Variants in ABLIM2 observed in about 807,000 individuals in gnomAD.
ABLIM2 encodes actin binding LIM protein family member 2.
Under a neutral mutation model 97.7 loss-of-function variants are expected in ABLIM2, and 53 were observed. The ratio of observed to expected loss-of-function variants is 0.54; its 90% CI spans 0.44 to 0.68. The LOEUF (loss-of-function observed/expected upper bound fraction) is 0.68. Ranked by LOEUF, ABLIM2 falls within the 30% of genes least tolerant of loss-of-function variation. The pLI is 0.00. For synonymous variants in ABLIM2, 361 were observed against 345.8 expected, an observed-to-expected ratio of 1.04 and a Z score of -0.49; for missense variants, 835 against 867.2, an observed-to-expected ratio of 0.96 and a Z score of 0.47.
In ABLIM2 at chr4:8,085,594, A is replaced by C. The variant is rs1577428402; in HGVS notation, c.454+2575T>G. ...GCCCACGCTGCAGCCCCGTCCACTCACGCGGGTCTGGGGGGTGCCCACGCT... is the reference window on the plus strand; with the variant it reads ...GCCCACGCTGCAGCCCCGTCCACTCCCGCGGGTCTGGGGGGTGCCCACGCT... On this transcript the variant is annotated intron_variant, in intron 4 of 20. Coordinates refer to ENST00000447017, the MANE Select transcript of ABLIM2 (RefSeq NM_001130083.2). The surrounding 1 kb of genome is among the most constrained non-coding windows in gnomAD (Gnocchi z 6.1). 1.6e-5 allele frequency among the ~76,000 whole-genome samples: 2 copies of C among 127,396 alleles called. No homozygotes were observed. Among genetic ancestry groups the C allele is most frequent in the Admixed American group, 8.3e-5 (1 of 12,052 alleles). The allele number at this position is 127,396 out of a possible 152,430, so 83.6% of individuals were successfully genotyped here. A position where few individuals can be genotyped will look rare whatever the true frequency, so the allele number is the denominator to read the frequency against.
In ABLIM2 at chr4:8,083,786, C is replaced by T. The variant is rs1374068994; in HGVS notation, c.455-2984G>A. On this transcript the variant is annotated intron_variant, in intron 4 of 20. Coordinates refer to ENST00000447017, the MANE Select transcript of ABLIM2 (RefSeq NM_001130083.2). The surrounding 1 kb of genome is among the most constrained non-coding windows in gnomAD (Gnocchi z 4.6). ...GGGCCCCAGGACCCCCCAATGTCAG[C>T]TGGCCACGTGCCCGTACATCCTGGT... 2.6e-5 allele frequency among the ~76,000 whole-genome samples: 4 copies of T among 152,242 alleles called. No individual in the cohort carries two copies. The highest frequency in any genetic ancestry group is 5.9e-5 in the Non-Finnish European group (4 of 68,042).
chr4:8,085,918 C>T lies in ABLIM2; in HGVS notation c.454+2251G>A, dbSNP rs994159482. On this transcript the variant is annotated intron_variant, in intron 4 of 20. Coordinates refer to ENST00000447017, the MANE Select transcript of ABLIM2 (RefSeq NM_001130083.2). This position sits in a 1 kb window ranked among gnomAD's most constrained non-coding sequence, Gnocchi z 6.1. Reference sequence around the variant, plus strand: ...GGAGTTGAAAGGCCTTGGCCCACCCCTCGGCACTTCCGCCCCCTGATGGAC... The same window carrying T: ...GGAGTTGAAAGGCCTTGGCCCACCCTTCGGCACTTCCGCCCCCTGATGGAC... Among the ~76,000 whole-genome samples the T allele has an allele frequency of 7.6e-6, 1 of 132,114 alleles. No individual in the cohort carries two copies. Among genetic ancestry groups the T allele is most frequent in the Admixed American group, 8.1e-5 (1 of 12,278 alleles). The allele number at this position is 132,114 out of a possible 152,430, so 86.7% of individuals were successfully genotyped here. A position where few individuals can be genotyped will look rare whatever the true frequency, so the allele number is the denominator to read the frequency against.
chr4:8,024,815 G>C (rs1417090778), intron 12 of ABLIM2, among the ~76,000 whole-genome samples: 1 of 152,244 alleles, frequency 6.6e-6, no homozygotes, highest in Non-Finnish European at 1.5e-5. Flanking sequence ...GAAAGAGGCT[G>C]GGTGTTCCCA....
At position 8,095,084 on chromosome 4, in the gene ABLIM2, C is replaced by T. The variant is rs1830851815; in HGVS notation, c.338+2015G>A. 1.4e-5 allele frequency among the ~76,000 whole-genome samples: 2 copies of T among 147,648 alleles called. No individual in the cohort carries two copies. The highest frequency in any genetic ancestry group is 2.1e-4 in the South Asian group (1 of 4,658). ...TCTCTTTCTTTCTTTCTCTCTCTCT[C>T]TCTTTCTTTCTTTCTCTTTCCTTTT... On this transcript the variant is annotated intron_variant, in intron 3 of 20. Transcript: ENST00000447017. This position sits in a 1 kb window ranked among gnomAD's most constrained non-coding sequence, Gnocchi z 4.7.
chr4:8,135,930 C>T (rs541530310), intron 1 of ABLIM2, among the ~76,000 whole-genome samples: 5 of 152,300 alleles, frequency 3.3e-5, no homozygotes, highest in East Asian at 1.9e-4. Flanking sequence ...GCCTGGCAAC[C>T]GGTCCCTGCT....
In ABLIM2 at chr4:8,054,954, C is replaced by T. The variant is rs769764731; in HGVS notation, c.764-708G>A. Reference sequence around the variant, plus strand: ...CCATGTCAACAGCCACTACCATCAACATAACAAGGCCACCCGGCACCAAGT... The same window carrying T: ...CCATGTCAACAGCCACTACCATCAATATAACAAGGCCACCCGGCACCAAGT... On this transcript the variant is annotated intron_variant, in intron 7 of 20. Coordinates refer to ENST00000447017, the MANE Select transcript of ABLIM2 (RefSeq NM_001130083.2). This position sits in a 1 kb window ranked among gnomAD's most constrained non-coding sequence, Gnocchi z 4.9. 5.3e-5 allele frequency among the ~76,000 whole-genome samples: 8 copies of T among 152,094 alleles called. No homozygotes were observed. The highest frequency in any genetic ancestry group is 1.0e-4 in the Non-Finnish European group (7 of 67,998).
At chr4:8,037,223 T>C (rs952050224) in intron 9 of ABLIM2, among the ~76,000 whole-genome samples, 1 of 152,134 alleles carries the variant, frequency 6.6e-6, no homozygotes, top group South Asian at 2.1e-4. Flanking sequence ...AATCTGCAGA[T>C]GTGGAATGCA....
In ABLIM2 at chr4:8,082,294, G is replaced by A. The variant is rs542550317; in HGVS notation, c.455-1492C>T. Among the ~76,000 whole-genome samples, 47 of 152,198 alleles carry A rather than the reference G, an allele frequency of 3.1e-4. No individual in the cohort carries two copies. Among genetic ancestry groups the A allele is most frequent in the African/African-American group, 8.7e-4 (36 of 41,450 alleles). On this transcript the variant is annotated intron_variant, in intron 4 of 20. Coordinates refer to ENST00000447017, the MANE Select transcript of ABLIM2 (RefSeq NM_001130083.2). This position sits in a 1 kb window ranked among gnomAD's most constrained non-coding sequence, Gnocchi z 5.6. ...CACTATGCGCTGGGTCACACTGAGCGTATTCCTCCTGCGGGAGCCCCCATT... is the reference window on the plus strand; with the variant it reads ...CACTATGCGCTGGGTCACACTGAGCATATTCCTCCTGCGGGAGCCCCCATT...
At chr4:8,135,521 G>A (rs1024605015) in intron 1 of ABLIM2, among the ~76,000 whole-genome samples, 2 of 152,164 alleles carry the variant, frequency 1.3e-5, no homozygotes, top group Non-Finnish European at 1.5e-5. Flanking sequence ...GAGCTCCCTC[G>A]CCCCTTCTGA....
In ABLIM2 at chr4:8,021,767, C is replaced by A. The variant is rs1366554920; in HGVS notation, c.1268-1464G>T. Among the ~76,000 whole-genome samples, 1 of 152,262 alleles carries A rather than the reference C, an allele frequency of 6.6e-6. No individual in the cohort carries two copies. Among genetic ancestry groups the A allele is most frequent in the African/African-American group, 2.4e-5 (1 of 41,468 alleles). On this transcript the variant is annotated intron_variant, in intron 12 of 20. Transcript: ENST00000447017. The surrounding 1 kb of genome is among the most constrained non-coding windows in gnomAD (Gnocchi z 5.5). ...AGCCAGGCTGATGCCGTAGAAAGGA[C>A]TGCAGGCTCTAACTTTGAGCATTTT... is the stretch of plus-strand genomic sequence containing the variant.
chr4:8,006,649 G>C (rs1282366885), intron 16 of ABLIM2, among the ~76,000 whole-genome samples: 2 of 152,230 alleles, frequency 1.3e-5, no homozygotes, highest in African/African-American at 4.8e-5. Context: ...CCAGGCCAAT[G>C]TTCCCTGGCC....
rs1367241337 is a variant in ABLIM2, at chr4:7,998,689, C to T, written c.1619-5762G>A. On this transcript the variant is annotated intron_variant, in intron 16 of 20. Transcript: ENST00000447017. This position sits in a 1 kb window ranked among gnomAD's most constrained non-coding sequence, Gnocchi z 6.4. The stretch of plus-strand genomic sequence containing the variant: ...TGCCACCACATGGGAGGCTGGGAGT[C>T]TGCAGGTCTGGGCCACCTCCTGCCA... The T allele has an allele frequency of 3.9e-6, 2 of 507,390 alleles. No homozygotes were observed. The highest frequency in any genetic ancestry group is 1.9e-5 in the African/African-American group (1 of 51,434). The allele number at this position is 507,390 out of a possible 1,614,324, so 31.4% of individuals were successfully genotyped here. A position where few individuals can be genotyped will look rare whatever the true frequency, so the allele number is the denominator to read the frequency against.
At chr4:8,062,597 C>A (rs1804037977) in intron 6 of ABLIM2, among the ~76,000 whole-genome samples, 1 of 152,078 alleles carries the variant, frequency 6.6e-6, no homozygotes, top group African/African-American at 2.4e-5. Flanking sequence ...CACCACCACG[C>A]CTGGCTAATT....
intron 1 of ABLIM2, among the ~76,000 whole-genome samples, chr4:8,151,667 C>A (rs978749913): frequency 1.3e-5 from 2 of 152,042 alleles, no homozygotes; most frequent in Middle Eastern, 3.2e-3. Flanking sequence ...CAGGGTTGTA[C>A]CCCGAGGATG....
In ABLIM2 at chr4:8,150,534, G is replaced by A. The variant is rs934109701; in HGVS notation, c.10+8146C>T. ...CTGGCTGGACTCACATTTCCAGATC[G>A]TCTCTCTAACTCGTCTCTCTAAGCA... On this transcript the variant is annotated intron_variant, in intron 1 of 20. Coordinates refer to ENST00000447017, the MANE Select transcript of ABLIM2 (RefSeq NM_001130083.2). The surrounding 1 kb of genome is among the most constrained non-coding windows in gnomAD (Gnocchi z 6.3). Among the ~76,000 whole-genome samples the A allele has an allele frequency of 2.0e-5, 3 of 152,320 alleles. No homozygotes were observed. Among genetic ancestry groups the A allele is most frequent in the South Asian group, 2.1e-4 (1 of 4,832 alleles).
rs1241221223 is a variant in ABLIM2 at position 7,996,304 on chromosome 4, C to T, written c.1619-3377G>A. 3.9e-5 allele frequency among the ~76,000 whole-genome samples: 6 copies of T among 152,296 alleles called. No homozygotes were observed. In the South Asian group the frequency reaches 1.2e-3, roughly 32 times the overall value. ...TCCGATGCACACTGGCCTACTGCCT[C>T]GAGAACAGAGAACACCCTTGGTGGT... On this transcript the variant is annotated intron_variant, in intron 16 of 20. Coordinates refer to ENST00000447017, the MANE Select transcript of ABLIM2 (RefSeq NM_001130083.2). The surrounding 1 kb of genome is among the most constrained non-coding windows in gnomAD (Gnocchi z 4.5).
At position 7,986,796 on chromosome 4, in the gene ABLIM2, C is replaced by T. The variant is rs1039036573; in HGVS notation, c.1681-1903G>A. ...CAAGTGATTCTCCTGCCTCAGCCTC[C>T]TGAGCAGCTGGGATTACAGGCGCCT... is the stretch of plus-strand genomic sequence containing the variant. On this transcript the variant is annotated intron_variant, in intron 17 of 20. Transcript: ENST00000447017. The surrounding 1 kb of genome is among the most constrained non-coding windows in gnomAD (Gnocchi z 4.3). Among the ~76,000 whole-genome samples, 19 of 152,148 alleles carry T rather than the reference C, an allele frequency of 1.2e-4. No individual in the cohort carries two copies. Among genetic ancestry groups the T allele is most frequent in the African/African-American group, 4.6e-4 (19 of 41,432 alleles).
At chr4:8,007,386 C>A in intron 16 of ABLIM2, 1 of 985,508 alleles carries the variant, frequency 1.0e-6, no homozygotes, top group Non-Finnish European at 1.2e-6. Flanking sequence ...AAGCTAAGCC[C>A]AAGCCTTGCC....
In ABLIM2 at chr4:7,998,140, C is replaced by T. The variant is rs1279282634; in HGVS notation, c.1619-5213G>A. Among the ~76,000 whole-genome samples, 1 of 152,090 alleles carries T rather than the reference C, an allele frequency of 6.6e-6. No homozygotes were observed. Among genetic ancestry groups the T allele is most frequent in the African/African-American group, 2.4e-5 (1 of 41,420 alleles). On this transcript the variant is annotated intron_variant, in intron 16 of 20. Transcript: ENST00000447017. This position sits in a 1 kb window ranked among gnomAD's most constrained non-coding sequence, Gnocchi z 6.4. The stretch of plus-strand genomic sequence containing the variant: ...AGGTGATCTGATCCGTCCTCCTCGG[C>T]CTCCCAAAGTGCTGGGATTACAGGT...
Sources: allele counts gnomAD v4.1 joint callset (sites outside exome capture counted in the v4.1 genomes callset), GRCh38; gene constraint gnomAD v4.1.1; non-coding constraint Gnocchi (gnomAD v3.1); transcripts MANE v1.5; gene names NCBI Gene and HGNC (gene_info 2026-07-23, HGNC 2026-07-21).